Variants in NBAS observed in about 807,000 individuals in gnomAD.
NBAS encodes NAG/BC035112 fusion.
NBAS carries 219 observed loss-of-function variants against 302.5 expected under a neutral mutation model. The ratio of observed to expected loss-of-function variants is 0.72; its 90% CI spans 0.65 to 0.81. The LOEUF is 0.81. NBAS is among the 30% of genes least tolerant of loss of function. The pLI is 0.00. For synonymous variants in NBAS, 1,118 were observed against 1,021.6 expected (o/e 1.09, Z -1.80); for missense variants, 2,932 against 2,841.6 (o/e 1.03, Z -0.72).
chr2:15,256,175 C>T (rs1250604633), intron 44 of NBAS, among the ~76,000 whole-genome samples: 1 of 152,114 alleles, frequency 6.6e-6, no homozygotes, highest in Non-Finnish European at 1.5e-5. Context: ...TTGATTCTAC[C>T]TATCCTTGAG....
the NBAS span, among the ~76,000 whole-genome samples, chr2:14,991,165 G>C: frequency 6.6e-6 from 1 of 151,956 alleles, no homozygotes; most frequent in South Asian, 2.1e-4. Flanking sequence ...AGACATGCAG[G>C]GTCCAAAAAT....
chr2:15,387,681 G>T (rs975982346), intron 28 of NBAS, among the ~76,000 whole-genome samples: 3 of 151,774 alleles, frequency 2.0e-5, no homozygotes, highest in Non-Finnish European at 2.9e-5. Context: ...GCCCAGGCTG[G>T]AGTGCAGTGG....
At chr2:15,328,801 TAA>T (rs1245602601) in intron 36 of NBAS, among the ~76,000 whole-genome samples, 1 of 152,166 alleles carries the variant, frequency 6.6e-6, no homozygotes, top group Non-Finnish European at 1.5e-5. Context: ...CATTAAAGGC[TAA>T]CTTTCCACCT....
chr2:15,388,796 C>G (rs13425097), intron 28 of NBAS, among the ~76,000 whole-genome samples: 93,959 of 151,896 alleles, frequency 0.62, 29,864 homozygotes, highest in Middle Eastern at 0.68. Context: ...GGAATACTTC[C>G]CAACATTGAG....
chr2:14,784,700 C>G, the NBAS span, among the ~76,000 whole-genome samples: 6 of 152,100 alleles, frequency 3.9e-5, no homozygotes, highest in African/African-American at 1.4e-4. Context: ...GTACCAGTAC[C>G]ATGCTGTTTT....
At chr2:14,930,783 G>T in the NBAS span, among the ~76,000 whole-genome samples, 9 of 152,180 alleles carry the variant, frequency 5.9e-5, no homozygotes, top group African/African-American at 1.7e-4. Flanking sequence ...TGACCAATCT[G>T]CAGAAAGATT....
At chr2:15,430,245 A>G (rs1677693657) in intron 21 of NBAS, among the ~76,000 whole-genome samples, 1 of 152,196 alleles carries the variant, frequency 6.6e-6, no homozygotes. Context: ...ACTGAACAGA[A>G]ATAAGAAAAC....
At chr2:15,413,414 G>T (rs1157052225) in intron 25 of NBAS, among the ~76,000 whole-genome samples, 1 of 152,154 alleles carries the variant, frequency 6.6e-6, no homozygotes, top group Non-Finnish European at 1.5e-5. Flanking sequence ...ATACAGCACA[G>T]TATGATAAGA....
intron 45 of NBAS, among the ~76,000 whole-genome samples, chr2:15,237,529 T>C (rs1017875628): frequency 7.9e-5 from 12 of 151,774 alleles, no homozygotes; most frequent in South Asian, 2.1e-4. Context: ...TGATTTTTTT[T>C]CTGAAAATTA....
intron 25 of NBAS, among the ~76,000 whole-genome samples, chr2:15,412,861 T>G (rs1251878733): frequency 6.6e-6 from 1 of 152,136 alleles, no homozygotes. Context: ...ACTACACGAA[T>G]CACACAAGGA....
At chr2:14,783,380 T>C in the NBAS span, among the ~76,000 whole-genome samples, 3 of 151,746 alleles carry the variant, frequency 2.0e-5, no homozygotes, top group African/African-American at 7.3e-5. Flanking sequence ...GCAGGTTAGT[T>C]ACATAAGTAT....
the NBAS span, among the ~76,000 whole-genome samples, chr2:15,086,269 C>T: frequency 5.9e-5 from 9 of 152,106 alleles, no homozygotes; most frequent in African/African-American, 2.2e-4. Context: ...GAGGAGCTTC[C>T]CACTCCAGGG....
chr2:15,175,455 T>C (rs184528620), intron 51 of NBAS, among the ~76,000 whole-genome samples: 67 of 152,296 alleles, frequency 4.4e-4, no homozygotes, highest in African/African-American at 1.4e-3. Context: ...TATAAATACG[T>C]ATCTGCTTAC....
the NBAS span, among the ~76,000 whole-genome samples, chr2:15,156,550 A>C: frequency 6.6e-6 from 1 of 152,198 alleles, no homozygotes; most frequent in Admixed American, 6.5e-5. Flanking sequence ...CTGCATCCTC[A>C]CATGGTGGGA....
At chr2:14,895,597 G>A in the NBAS span, among the ~76,000 whole-genome samples, 1 of 152,110 alleles carries the variant, frequency 6.6e-6, no homozygotes, top group Non-Finnish European at 1.5e-5. Flanking sequence ...AAATTAGCCG[G>A]GTGTGGTAGC....
the NBAS span, among the ~76,000 whole-genome samples, chr2:14,790,785 G>A: frequency 6.6e-6 from 1 of 151,996 alleles, no homozygotes; most frequent in East Asian, 1.9e-4. Context: ...CTGAGTAGCG[G>A]GGATTACAGG....
chr2:15,199,219 G>A lies in NBAS; in HGVS notation c.6433-8816C>T, dbSNP rs548802464. On this transcript the variant is annotated intron_variant, in intron 48 of 51. Coordinates refer to ENST00000281513, the MANE Select transcript of NBAS (RefSeq NM_015909.4). Reference sequence around the variant, plus strand: ...CTAACAAATTATCTGAAAAAAATTAGAGAAGGAAATATTGCCCTAAGATCA... The same window carrying A: ...CTAACAAATTATCTGAAAAAAATTAAAGAAGGAAATATTGCCCTAAGATCA... Among the ~76,000 whole-genome samples, 77 of 150,528 alleles carry A rather than the reference G, an allele frequency of 5.1e-4. 2 individuals carry two copies. The South Asian group carries it at 0.015, about 30-fold the overall frequency.
the NBAS span, among the ~76,000 whole-genome samples, chr2:14,889,572 A>T: frequency 9.9e-4 from 150 of 152,210 alleles, no homozygotes; most frequent in Non-Finnish European, 1.6e-3. Context: ...AGAGATCCCG[A>T]CTCTCCACAT....
chr2:15,102,483 G>C, the NBAS span, among the ~76,000 whole-genome samples: 1,144 of 152,202 alleles, frequency 7.5e-3, 14 homozygotes, highest in African/African-American at 0.025. Context: ...GGCTATGCTG[G>C]GTACTTTCTA....
Sources: gnomAD v4.1 joint callset for allele counts (sites outside exome capture counted in the v4.1 genomes callset) on GRCh38, gnomAD v4.1.1 for gene constraint, MANE v1.5 for transcripts, NCBI Gene and HGNC (gene_info 2026-07-23, HGNC 2026-07-21) for gene names.